NCR1: variants seen among roughly 807,000 people sequenced by gnomAD.
NCR1 encodes the protein NK cell-activating receptor.
NCR1 carries 30 observed loss-of-function variants against 32.5 expected under a neutral mutation model. The observed-to-expected ratio is 0.92, with a 90% CI of 0.69 to 1.25. NCR1 has a LOEUF of 1.25. Ranked by LOEUF, NCR1 falls within the 50% of genes most tolerant of loss-of-function variation. The pLI, the probability that NCR1 is intolerant of heterozygous loss-of-function variation, is 0.00. For missense variants in NCR1, 369 were observed against 380.7 expected, an observed-to-expected ratio of 0.97 and a Z score of 0.26; for synonymous variants, 169 against 143.4, an observed-to-expected ratio of 1.18 and a Z score of -1.28.
At chr19:54,898,279 C>T in the NCR1 span, among the ~76,000 whole-genome samples, 93 of 152,300 alleles carry the variant, frequency 6.1e-4, no homozygotes, top group African/African-American at 2.1e-3. Flanking sequence ...AGATGGGATG[C>T]GGCTTAGGAG....
chr19:54,932,194 G>A, the NCR1 span, among the ~76,000 whole-genome samples: 1,055 of 152,132 alleles, frequency 6.9e-3, 15 homozygotes, highest in African/African-American at 0.024. Context: ...TTGGGAGGCC[G>A]AGGCAGGCAG....
chr19:54,909,986 C>G (rs767904651), intron 4 of NCR1, 32 bp from the exon 5 acceptor site: 2 of 1,591,630 alleles, frequency 1.3e-6, no homozygotes. Flanking sequence ...AACCAAAAAC[C>G]CTTACTTTTT....
In NCR1 at chr19:54,906,734, G is replaced by A. The variant is rs370957633; in HGVS notation, c.282G>A (p.Gly94=). 14 of 1,614,218 alleles carry A rather than the reference G, an allele frequency of 8.7e-6. No individual in the cohort carries two copies. The African/African-American group carries it at 1.7e-4, about 20-fold the overall frequency. ...YIPDMNSRMA[G]QYSCIYRVGE... ...CGGACATGAACTCCCGCATGGCAGG[G>A]CAATACAGCTGCATCTATCGGGTTG... Residue 94 remains glycine (G), a synonymous_variant, in exon 3 of 7, where the codon GGG becomes GGA. Coordinates refer to ENST00000291890, the MANE Select transcript of NCR1 (RefSeq NM_004829.7).
chr19:54,922,687 G>A, the NCR1 span, among the ~76,000 whole-genome samples: 1 of 148,884 alleles, frequency 6.7e-6, no homozygotes. Flanking sequence ...GCTGAGGCAG[G>A]AGAATCACTT....
chr19:54,931,219 C>A, the NCR1 span, among the ~76,000 whole-genome samples: 1 of 152,010 alleles, frequency 6.6e-6, no homozygotes, highest in Admixed American at 6.6e-5. Context: ...GTCAGGAGTT[C>A]AAGACCAGCC....
downstream of NCR1, among the ~76,000 whole-genome samples, chr19:54,914,730 C>T (rs558232827): frequency 6.8e-6 from 1 of 147,830 alleles, no homozygotes; most frequent in Admixed American, 6.9e-5. Context: ...ACTCCGACTT[C>T]ACAAAGATAG....
chr19:54,926,874 C>G, the NCR1 span, among the ~76,000 whole-genome samples: 2 of 148,588 alleles, frequency 1.3e-5, no homozygotes, highest in Non-Finnish European at 3.0e-5. Context: ...CGAGATAGCG[C>G]CACTGCACTC....
chr19:54,898,459 T>TCTCC, the NCR1 span, among the ~76,000 whole-genome samples: 2 of 152,034 alleles, frequency 1.3e-5, no homozygotes, highest in East Asian at 3.9e-4. Flanking sequence ...GATACTGGAG[T>TCTCC]GGAGGCAAGG....
chr19:54,901,360 C>CAAA (rs80189325), upstream of NCR1, among the ~76,000 whole-genome samples: 136 of 91,082 alleles, frequency 1.5e-3, 2 homozygotes, highest in Middle Eastern at 6.8e-3. Context: ...GAGTCCATCT[C>CAAA]AAAAAAAAAA....
At chr19:54,909,849 C>T (rs3760862) in intron 4 of NCR1, among the ~76,000 whole-genome samples, 169 bp from the exon 5 acceptor site, 52,180 of 148,264 alleles carry the variant, frequency 0.35, 9,811 homozygotes, top group Non-Finnish European at 0.43. Flanking sequence ...GCAGGAGAAT[C>T]GCTTGAACCC....
chr19:54,919,870 T>G (rs563601577), downstream of NCR1, among the ~76,000 whole-genome samples: 4 of 152,218 alleles, frequency 2.6e-5, no homozygotes, highest in Non-Finnish European at 5.9e-5. Context: ...CTGGTGGCCC[T>G]GTCCGGGCAT....
chr19:54,919,877 G>A (rs2068214392), downstream of NCR1, among the ~76,000 whole-genome samples: 1 of 152,186 alleles, frequency 6.6e-6, no homozygotes, highest in African/African-American at 2.4e-5. Context: ...CCCTGTCCGG[G>A]CATAACAGAA....
downstream of NCR1, chr19:54,916,236 A>G (rs1022140178): frequency 5.3e-5 from 8 of 151,816 alleles, no homozygotes; most frequent in Non-Finnish European, 7.4e-5. Flanking sequence ...AAAGACATTT[A>G]AAAGCTGCTT....
In NCR1 at chr19:54,909,432, C is replaced by T. The variant is rs2067836078; in HGVS notation, c.543C>T (p.Thr181=). 6.2e-7 allele frequency: 1 copy of T among 1,613,440 alleles called. No individual in the cohort carries two copies. Among genetic ancestry groups the T allele is most frequent in the African/African-American group, 1.3e-5 (1 of 74,928 alleles). Residue 181 remains threonine (T), a synonymous_variant, in exon 4 of 7, where the codon ACC becomes ACT. Coordinates refer to ENST00000291890, the MANE Select transcript of NCR1 (RefSeq NM_004829.7). The stretch of plus-strand genomic sequence containing the variant: ...CGGAGTTCCCCCTGGGCCCTGTGAC[C>T]ACAGCCCACAGAGGGACATACCGAT... ...VQAEFPLGPV[T]TAHRGTYRCF...
downstream of NCR1, among the ~76,000 whole-genome samples, chr19:54,916,317 C>CTTTTTTTTTTTTTTTTTTTTTTTT (rs71181711): frequency 8.2e-4 from 71 of 87,090 alleles, 7 homozygotes; most frequent in Non-Finnish European, 1.1e-3. Flanking sequence ...GAATATTGTG[C>CTTTTTTTTTTTTTTTTTTTTTTTT]TTTTTTTTTT....
chr19:54,928,101 T>C, the NCR1 span, among the ~76,000 whole-genome samples: 2 of 152,084 alleles, frequency 1.3e-5, no homozygotes, highest in South Asian at 4.1e-4. Flanking sequence ...GTGCCTTTAA[T>C]GCTAGCTACT....
chr19:54,919,714 A>ACCCCCCCC (rs58529355), downstream of NCR1, among the ~76,000 whole-genome samples: 2 of 100,014 alleles, frequency 2.0e-5, no homozygotes, highest in African/African-American at 3.7e-5. Flanking sequence ...GGAAAGGGAG[A>ACCCCCCCC]CCCCCCCCCC....
intron 6 of NCR1, 78 bp from the exon 7 acceptor site, chr19:54,912,612 A>G: frequency 9.9e-6 from 1 of 101,504 alleles, no homozygotes; most frequent in African/African-American, 1.8e-4. Context: ...AAAAAAAAAA[A>G]AAAAAAAAAA....
the NCR1 span, among the ~76,000 whole-genome samples, chr19:54,898,766 G>A: frequency 6.6e-6 from 1 of 152,056 alleles, no homozygotes; most frequent in Non-Finnish European, 1.5e-5. Flanking sequence ...ATTTGGGAGA[G>A]GTCAGATAAA....
Sources: allele counts gnomAD v4.1 joint callset (sites outside exome capture counted in the v4.1 genomes callset), GRCh38; gene constraint gnomAD v4.1.1; transcripts MANE v1.5; gene names NCBI Gene and HGNC (gene_info 2026-07-23, HGNC 2026-07-21).